The following TRAPPC9 variants were observed in gnomAD, a reference collection of about 807,000 sequenced individuals.
TRAPPC9 encodes the protein trafficking protein particle complex subunit 9.
A neutral mutation model predicts 124.0 loss-of-function variants in TRAPPC9; 83 were observed. That is an observed-to-expected ratio of 0.67 (90% CI 0.56 to 0.80). The LOEUF (loss-of-function observed/expected upper bound fraction) is 0.80, where lower values mean the gene tolerates loss of function less well. Ranked by LOEUF, TRAPPC9 falls within the 30% of genes least tolerant of loss-of-function variation. The pLI, the probability that TRAPPC9 is intolerant of heterozygous loss-of-function variation, is 0.00. For synonymous variants in TRAPPC9, 638 were observed against 617.5 expected, an observed-to-expected ratio of 1.03 and a Z score of -0.49; for missense variants, 1,302 against 1,508.3, an observed-to-expected ratio of 0.86 and a Z score of 2.27.
chr8:140,284,106 G>T, intron 13 of TRAPPC9, 85 bp from the exon 14 acceptor site: 1 of 1,575,168 alleles, frequency 6.3e-7, no homozygotes, highest in Middle Eastern at 2.0e-4. Context: ...AGAGTACGGG[G>T]CTCCTCTTCA....
intron 7 of TRAPPC9, among the ~76,000 whole-genome samples, chr8:140,385,585 T>C (rs1398506339): frequency 6.6e-6 from 1 of 152,194 alleles, no homozygotes; most frequent in East Asian, 1.9e-4. Flanking sequence ...GATAAATTCC[T>C]GGACACATAC....
At chr8:140,022,876 C>T (rs540275393) in intron 18 of TRAPPC9, among the ~76,000 whole-genome samples, 1 of 152,310 alleles carries the variant, frequency 6.6e-6, no homozygotes, top group East Asian at 1.9e-4. Flanking sequence ...AAGGCATTCT[C>T]CAATGGCTGG....
upstream of TRAPPC9, among the ~76,000 whole-genome samples, chr8:140,457,928 G>A (rs2071751862): frequency 1.4e-5 from 2 of 141,410 alleles, no homozygotes; most frequent in South Asian, 2.2e-4. Context: ...GGAGGAGGAG[G>A]AGGGAGGAGG....
At chr8:140,299,286 G>C (rs1296011373) in intron 11 of TRAPPC9, among the ~76,000 whole-genome samples, 7 of 152,112 alleles carry the variant, frequency 4.6e-5, no homozygotes, top group African/African-American at 1.7e-4. Context: ...CCCCGACAGA[G>C]CGGGAGGGGT....
chr8:140,256,456 T>C (rs1336104171), intron 15 of TRAPPC9, among the ~76,000 whole-genome samples: 9 of 152,178 alleles, frequency 5.9e-5, no homozygotes, highest in Non-Finnish European at 1.2e-4. Context: ...GGTAACTGAC[T>C]TTCTTCCTTC....
At chr8:139,886,032 G>A in intron 20 of TRAPPC9, 63 bp from the exon 21 acceptor site, 2 of 1,459,298 alleles carry the variant, frequency 1.4e-6, no homozygotes, top group South Asian at 2.4e-5. Context: ...ACGTCTAGAA[G>A]TCTCTAGACA....
At chr8:139,979,933 C>T (rs1836774617) in intron 19 of TRAPPC9, among the ~76,000 whole-genome samples, 3 of 152,154 alleles carry the variant, frequency 2.0e-5, no homozygotes, top group South Asian at 2.1e-4. Context: ...ACCACATTCC[C>T]GCTCTGCCCA....
intron 21 of TRAPPC9, among the ~76,000 whole-genome samples, chr8:139,795,188 G>A (rs1387214451): frequency 2.0e-5 from 3 of 151,986 alleles, no homozygotes; most frequent in Non-Finnish European, 4.4e-5. Context: ...AGGCCCGGGG[G>A]CCCAGGTGTC....
At chr8:139,755,210 T>G (rs140966890) in intron 21 of TRAPPC9, among the ~76,000 whole-genome samples, 1 of 152,334 alleles carries the variant, frequency 6.6e-6, no homozygotes, top group East Asian at 1.9e-4. Flanking sequence ...GCTGAGTGAA[T>G]CAGTGAACCT....
At chr8:140,100,833 C>T (rs1237523422) in intron 17 of TRAPPC9, among the ~76,000 whole-genome samples, 1 of 152,200 alleles carries the variant, frequency 6.6e-6, no homozygotes, top group African/African-American at 2.4e-5. Context: ...AACATGGGGC[C>T]TCTTCCGTGC....
intron 15 of TRAPPC9, among the ~76,000 whole-genome samples, chr8:140,266,990 A>G (rs2064689431): frequency 2.0e-5 from 3 of 152,198 alleles, no homozygotes; most frequent in South Asian, 4.1e-4. Flanking sequence ...CTGACCCTTA[A>G]TATCATGGAT....
rs576720755 is a variant in TRAPPC9 at position 139,787,849 on chromosome 8, C to T, written c.3056-55647G>A. On this transcript the variant is annotated intron_variant, in intron 21 of 22. Coordinates refer to ENST00000438773, the MANE Select transcript of TRAPPC9 (RefSeq NM_001160372.4). ...TGGCTTTGAGCAATTTTGATTTCAT[C>T]GCCAGGCCTCCAGATGTGTCCTGGG... Among the ~76,000 whole-genome samples, 30 of 152,244 alleles carry T rather than the reference C, an allele frequency of 2.0e-4. No homozygotes were observed. In the South Asian group the frequency reaches 2.1e-3, roughly 11 times the overall value.
rs1157495793 is a variant in TRAPPC9 at position 139,730,827 on chromosome 8, G to A, written c.*234C>T. 5.2e-6 allele frequency: 3 copies of A among 571,830 alleles called. 1 individual carries two copies. Among genetic ancestry groups the A allele is most frequent in the African/African-American group, 3.8e-5 (2 of 53,256 alleles). 35.4% of individuals were successfully genotyped at this position (571,830 alleles called of 1,614,324 possible). On this transcript the variant is annotated 3_prime_UTR_variant, in exon 23 of 23. Transcript: ENST00000438773. ...ATTTCCTCTGCTTCAGCCTGTGTAT[G>A]GTCCAGGGAACAGTGTAGGAAGGGG...
rs560923912 is a variant in TRAPPC9 at position 140,254,707 on chromosome 8, C to T, written c.2279-1778G>A. 5.9e-5 allele frequency among the ~76,000 whole-genome samples: 9 copies of T among 152,330 alleles called. No individual in the cohort carries two copies. In the South Asian group the frequency reaches 1.9e-3, roughly 32 times the overall value. On this transcript the variant is annotated intron_variant, in intron 15 of 22. Transcript: ENST00000438773. Reference sequence around the variant, plus strand: ...TTGCTGTTTTCCCACTATCCCCTTTCTGGGAACCAGTTTTTTATGCTGAAC... The same window carrying T: ...TTGCTGTTTTCCCACTATCCCCTTTTTGGGAACCAGTTTTTTATGCTGAAC...
intron 17 of TRAPPC9, among the ~76,000 whole-genome samples, chr8:140,200,940 A>C (rs1325741601): frequency 3.3e-5 from 5 of 152,262 alleles, no homozygotes; most frequent in Non-Finnish European, 2.9e-5. Flanking sequence ...CCATCTTTGC[A>C]GCTTTTCTGT....
intron 9 of TRAPPC9, among the ~76,000 whole-genome samples, chr8:140,314,991 T>C (rs1290510296): frequency 6.6e-6 from 1 of 152,248 alleles, no homozygotes; most frequent in African/African-American, 2.4e-5. Flanking sequence ...GGTTCTATTT[T>C]TAAGTTTTTT....
At chr8:139,768,482 T>G (rs1012659924) in intron 21 of TRAPPC9, among the ~76,000 whole-genome samples, 1 of 152,208 alleles carries the variant, frequency 6.6e-6, no homozygotes, top group Non-Finnish European at 1.5e-5. Context: ...ATATTTTCAG[T>G]GATGTCTAAT....
At chr8:139,796,181 TGAG>T (rs1260495223) in intron 21 of TRAPPC9, among the ~76,000 whole-genome samples, 3 of 148,720 alleles carry the variant, frequency 2.0e-5, no homozygotes. Flanking sequence ...AGGAGAAGGA[TGAG>T]GAGGAGGAGG....
intron 20 of TRAPPC9, among the ~76,000 whole-genome samples, chr8:139,896,650 T>C (rs1587131901): frequency 6.6e-6 from 1 of 152,206 alleles, no homozygotes; most frequent in African/African-American, 2.4e-5. Flanking sequence ...TTATTCGATA[T>C]GTTGTATTGA....
Sources: allele counts gnomAD v4.1 joint callset (sites outside exome capture counted in the v4.1 genomes callset), GRCh38; gene constraint gnomAD v4.1.1; transcripts MANE v1.5; gene names NCBI Gene and HGNC (gene_info 2026-07-23, HGNC 2026-07-21).